The following MAP1B variants were observed in gnomAD, a reference collection of about 807,000 sequenced individuals.
MAP1B encodes the protein microtubule associated protein 1B, also known as microtubule-associated protein 1B.
Under a neutral mutation model 176.1 loss-of-function variants are expected in MAP1B, and 12 were observed. The ratio of observed to expected loss-of-function variants is 0.07; its 90% CI spans 0.04 to 0.11. The LOEUF (loss-of-function observed/expected upper bound fraction) is 0.11. MAP1B is among the 10% of genes least tolerant of loss of function. The pLI is 1.00. For missense variants in MAP1B, 2,523 were observed against 2,990.5 expected (o/e 0.84, Z 3.65); for synonymous variants, 1,044 against 1,135.0 (o/e 0.92, Z 1.61).
intron 2 of MAP1B, among the ~76,000 whole-genome samples, chr5:72,153,958 C>T (rs536891277): frequency 2.0e-5 from 3 of 152,164 alleles, no homozygotes; most frequent in Non-Finnish European, 2.9e-5. Context: ...CATATAATTT[C>T]GGACTAAAAT....
chr5:72,132,483 C>A (rs1745752399), intron 2 of MAP1B, among the ~76,000 whole-genome samples: 1 of 152,184 alleles, frequency 6.6e-6, no homozygotes, highest in South Asian at 2.1e-4. Context: ...CTTCGATCTT[C>A]TTCTGTGTAT....
chr5:72,193,831 C>G, intron 4 of MAP1B, 35 bp from the exon 5 acceptor site: 8 of 1,537,626 alleles, frequency 5.2e-6, no homozygotes, highest in Non-Finnish European at 7.0e-6. Context: ...ATCACTTACA[C>G]CTTTTCTTTC....
intron 5 of MAP1B, 21 bp downstream of exon 5, chr5:72,200,388 A>G (rs1161944147): frequency 6.2e-7 from 1 of 1,608,024 alleles, no homozygotes; most frequent in East Asian, 2.2e-5. Flanking sequence ...AAGGCTGGGC[A>G]TTGGATATAT....
chr5:72,112,459 A>C (rs1010529931), intron 1 of MAP1B, among the ~76,000 whole-genome samples: 3 of 151,864 alleles, frequency 2.0e-5, no homozygotes, highest in Admixed American at 1.3e-4. Flanking sequence ...ACTTCTCCTC[A>C]TTTTTCACCC....
intron 2 of MAP1B, among the ~76,000 whole-genome samples, chr5:72,171,262 T>A (rs1362501608): frequency 6.6e-6 from 1 of 152,170 alleles, no homozygotes; most frequent in Admixed American, 6.5e-5. Context: ...AAAGACCATC[T>A]GTGGGCCAAG....
chr5:72,196,405 A>G lies in MAP1B; in HGVS notation c.3050A>G (p.Glu1017Gly), dbSNP rs766277100. The change falls in exon 5 of 7, where the codon GAA becomes GGA. Residue 1017 changes from glutamate (E) to glycine (G), a missense_variant. Physicochemically the swap from Glu to Gly is moderately conservative, Grantham distance 98. Coordinates refer to ENST00000296755, the MANE Select transcript of MAP1B (RefSeq NM_005909.5). The surrounding 1 kb of genome is among the most constrained non-coding windows in gnomAD (Gnocchi z 5.3). The stretch of plus-strand genomic sequence containing the variant: ...GAGAAAGGAGAGGCTGAACAATCTG[A>G]AGAGGAGGCTGATGAGGAGGACAAA... ...AIEKGEAEQS[E>G]EEADEEDKAE... 6.2e-7 allele frequency: 1 copy of G among 1,613,992 alleles called. No individual in the cohort carries two copies. Among genetic ancestry groups the G allele is most frequent in the South Asian group, 1.1e-5 (1 of 91,068 alleles).
intron 2 of MAP1B, chr5:72,180,017 C>A: frequency 1.3e-6 from 1 of 752,968 alleles, no homozygotes; most frequent in Non-Finnish European, 1.6e-6. Flanking sequence ...GCCACCTCGG[C>A]AGCAGGCGAG....
intron 2 of MAP1B, 140 bp downstream of exon 2, chr5:72,115,939 C>T (rs1745427950): frequency 1.7e-6 from 1 of 604,632 alleles, no homozygotes; most frequent in East Asian, 3.0e-5. Context: ...CTAGGTTAGC[C>T]AGCAGCCACA....
Position 72,107,723 on chromosome 5 carries a change from G to A in MAP1B, c.184+8G>A, listed in dbSNP as rs377729175. 3,400 of 1,598,070 alleles carry A rather than the reference G, an allele frequency of 2.1e-3. 5 individuals are homozygous for A. Among genetic ancestry groups the A allele is most frequent in the Non-Finnish European group, 2.6e-3 (3,052 of 1,179,266 alleles). The stretch of plus-strand genomic sequence containing the variant: ...TCGGCAACATCGAGCTCGGTAAGTG[G>A]CCCCGCGCCCCCAGAGACGCGCGCT... On this transcript the variant is annotated splice_region_variant and intron_variant, in intron 1 of 6. Transcript: ENST00000296755.
chr5:72,193,412 C>T (rs1030775474), intron 4 of MAP1B: 1 of 321,704 alleles, frequency 3.1e-6, no homozygotes, highest in African/African-American at 2.2e-5. Context: ...GTGAAATGAC[C>T]CAGACAGCTT....
intron 2 of MAP1B, among the ~76,000 whole-genome samples, chr5:72,171,044 A>C (rs1470188363): frequency 6.6e-6 from 1 of 152,224 alleles, no homozygotes; most frequent in African/African-American, 2.4e-5. Flanking sequence ...AGCCTTCAAA[A>C]GTGACACCCT....
chr5:72,157,102 G>C (rs965874507), intron 2 of MAP1B, among the ~76,000 whole-genome samples: 1 of 152,226 alleles, frequency 6.6e-6, no homozygotes, highest in African/African-American at 2.4e-5. Context: ...TCAGTGCTTA[G>C]AAAATGTGTG....
intron 2 of MAP1B, among the ~76,000 whole-genome samples, chr5:72,160,273 A>G (rs1014405349): frequency 5.3e-4 from 81 of 152,010 alleles, no homozygotes; most frequent in African/African-American, 1.9e-3. Flanking sequence ...TCCGTTTTGG[A>G]AAAGACTCTG....
intron 2 of MAP1B, among the ~76,000 whole-genome samples, chr5:72,157,993 C>T (rs1462736768): frequency 6.8e-6 from 1 of 146,912 alleles, no homozygotes; most frequent in Non-Finnish European, 1.5e-5. Context: ...GCATCTGCTA[C>T]TACACCTGGC....
chr5:72,179,466 A>G (rs980477128), intron 2 of MAP1B, among the ~76,000 whole-genome samples: 3 of 152,210 alleles, frequency 2.0e-5, no homozygotes, highest in Non-Finnish European at 4.4e-5. Context: ...TCCCTTCAGA[A>G]TGCCTGGCCC....
rs566652195 is a variant in MAP1B, at chr5:72,179,198, G to T, written c.287-4545G>T. The stretch of plus-strand genomic sequence containing the variant: ...CAATCATGCTGAGTTTTGTGGGGAA[G>T]CCCTCAAAGACTTTTTCTTATGAAG... On this transcript the variant is annotated intron_variant, in intron 2 of 6. Transcript: ENST00000296755. Among the ~76,000 whole-genome samples, 705 of 152,268 alleles carry T rather than the reference G, an allele frequency of 4.6e-3. 5 individuals carry two copies. Among genetic ancestry groups the T allele is most frequent in the Non-Finnish European group, 7.6e-3 (518 of 68,020 alleles).
intron 2 of MAP1B, among the ~76,000 whole-genome samples, chr5:72,175,289 T>C (rs1746630567): frequency 6.6e-6 from 1 of 152,062 alleles, no homozygotes; most frequent in African/African-American, 2.4e-5. Flanking sequence ...GGTCACTGTA[T>C]TTAAAGAGAC....
chr5:72,197,285 T>C lies in MAP1B; in HGVS notation c.3930T>C (p.Cys1310=). ...CCCAAGAAGTAGTTGAAGAACATTGTGCTAGTCCTGAGGACAAGACTCTGG... is the reference window on the plus strand; with the variant it reads ...CCCAAGAAGTAGTTGAAGAACATTGCGCTAGTCCTGAGGACAAGACTCTGG... ...EVTQEVVEEH[C]ASPEDKTLEV... Residue 1310 remains cysteine, a synonymous_variant, in exon 5 of 7, where the codon TGT becomes TGC. Transcript: ENST00000296755. The C allele has an allele frequency of 6.2e-7, 1 of 1,614,208 alleles. No individual in the cohort carries two copies. Among genetic ancestry groups the C allele is most frequent in the African/African-American group, 1.3e-5 (1 of 75,062 alleles).
chr5:72,167,103 T>C (rs1746447792), intron 2 of MAP1B, among the ~76,000 whole-genome samples: 1 of 150,958 alleles, frequency 6.6e-6, no homozygotes, highest in South Asian at 2.1e-4. Flanking sequence ...AATGCAGACA[T>C]TACAAAAGAG....
Sources: allele counts gnomAD v4.1 joint callset (sites outside exome capture counted in the v4.1 genomes callset), GRCh38; gene constraint gnomAD v4.1.1; non-coding constraint Gnocchi (gnomAD v3.1); transcripts MANE v1.5; gene names NCBI Gene and HGNC (gene_info 2026-07-23, HGNC 2026-07-21).